FNTA: variants seen among roughly 807,000 people sequenced by gnomAD.
FNTA encodes the protein farnesyltransferase, CAAX box, subunit alpha.
In FNTA, 27 loss-of-function variants were observed where a neutral mutation model predicts 55.2. The ratio of observed to expected loss-of-function variants is 0.49; its 90% CI spans 0.36 to 0.67. The LOEUF is 0.67. FNTA is among the 30% of genes least tolerant of loss of function. The pLI is 0.00. For synonymous variants in FNTA, 176 were observed against 170.7 expected (o/e 1.03, Z -0.24); for missense variants, 422 against 464.7 (o/e 0.91, Z 0.85).
At chr8:43,084,378 A>C (rs892577853) in intron 7 of FNTA, among the ~76,000 whole-genome samples, 1 of 151,974 alleles carries the variant, frequency 6.6e-6, no homozygotes, top group Non-Finnish European at 1.5e-5. Flanking sequence ...ACCACTAGGC[A>C]TGGCTGATTT....
In FNTA at chr8:43,084,814, A is replaced by G. The variant is rs1254063203; in HGVS notation, c.950A>G (p.Asp317Gly). ...SSPYLIAFLVDIYEDMLENQC... is the reference protein window; with the variant it reads ...SSPYLIAFLVGIYEDMLENQC... ...CCCTACCTAATTGCCTTTCTTGTGG[A>G]TATCTATGAAGACATGCTAGAAAAT... Residue 317 changes from aspartate (D) to glycine (G), a missense_variant, in exon 8 of 9, where the codon GAT becomes GGT. Asp to Gly is a moderately conservative substitution (Grantham distance 94). Around this residue, in one of 2 missense-constraint regions of FNTA, gnomAD observed 262 missense variants for 343.1 expected, o/e 0.76. Coordinates refer to ENST00000302279, the MANE Select transcript of FNTA (RefSeq NM_002027.3). 5 of 1,613,766 alleles carry G rather than the reference A, an allele frequency of 3.1e-6. No individual in the cohort carries two copies. In the African/African-American group the frequency reaches 6.7e-5, roughly 22 times the overall value.
chr8:43,064,530 G>A (rs755477623), intron 3 of FNTA, among the ~76,000 whole-genome samples: 1 of 152,040 alleles, frequency 6.6e-6, no homozygotes, highest in Non-Finnish European at 1.5e-5. Context: ...GGCCAAGCTG[G>A]TCTTGAAATC....
intron 5 of FNTA, among the ~76,000 whole-genome samples, chr8:43,074,129 A>C (rs150599644): frequency 6.6e-6 from 1 of 152,320 alleles, no homozygotes; most frequent in East Asian, 1.9e-4. Context: ...TAAATGAAGG[A>C]GTAGAGGACC....
intron 6 of FNTA, chr8:43,079,598 C>T (rs1332201003): frequency 2.0e-5 from 3 of 152,206 alleles, no homozygotes; most frequent in African/African-American, 7.2e-5. Flanking sequence ...TGGAGATGTG[C>T]AAGGAGATGC....
At chr8:43,074,667 T>G (rs556893954) in intron 5 of FNTA, among the ~76,000 whole-genome samples, 1 of 152,148 alleles carries the variant, frequency 6.6e-6, no homozygotes, top group South Asian at 2.1e-4. Context: ...AAGTCTCAGG[T>G]TTCATACTGT....
intron 7 of FNTA, 59 bp from the exon 8 acceptor site, chr8:43,084,651 C>A: frequency 1.5e-6 from 2 of 1,342,924 alleles, no homozygotes. Context: ...CTTGATCTTT[C>A]TACTGCTTTT....
At chr8:43,081,978 C>T (rs1811035581) in intron 6 of FNTA, 1 of 152,126 alleles carries the variant, frequency 6.6e-6, no homozygotes, top group Non-Finnish European at 1.5e-5. Context: ...CCAGCTAAGA[C>T]CTGCGGGGAC....
chr8:43,071,446 G>A (rs1023239650), intron 4 of FNTA, among the ~76,000 whole-genome samples: 7 of 152,014 alleles, frequency 4.6e-5, no homozygotes, highest in Non-Finnish European at 8.8e-5. Context: ...TGAGGTGGGC[G>A]GATCACCTGA....
chr8:43,063,838 A>C (rs1480949792), intron 2 of FNTA, among the ~76,000 whole-genome samples: 2 of 152,214 alleles, frequency 1.3e-5, no homozygotes, highest in Non-Finnish European at 1.5e-5. Flanking sequence ...CATAAGGCCT[A>C]TGGGAGATAT....
Position 43,061,489 on chromosome 8 carries a change from A to T in FNTA, c.286+2312A>T, listed in dbSNP as rs529731360. Among the ~76,000 whole-genome samples, 3 of 152,360 alleles carry T rather than the reference A, an allele frequency of 2.0e-5. No individual in the cohort carries two copies. In the East Asian group the frequency reaches 5.8e-4, roughly 29 times the overall value. On this transcript the variant is annotated intron_variant, in intron 2 of 8. Transcript: ENST00000302279. ...TACTGTCTGGCTCATAGTAAGCACT[A>T]TATATGTTAGCTACTATAATTTGCA...
intron 5 of FNTA, among the ~76,000 whole-genome samples, chr8:43,074,048 G>A (rs963579423): frequency 5.3e-5 from 8 of 151,964 alleles, no homozygotes; most frequent in African/African-American, 1.5e-4. Flanking sequence ...AGTTTTAAAC[G>A]TTAGTTTTAA....
chr8:43,059,924 T>A (rs1810493020), intron 2 of FNTA, among the ~76,000 whole-genome samples: 1 of 152,184 alleles, frequency 6.6e-6, no homozygotes, highest in Non-Finnish European at 1.5e-5. Context: ...AGCACAGAAG[T>A]AGATTTGTAA....
At chr8:43,067,047 G>A (rs1023176264) in intron 3 of FNTA, among the ~76,000 whole-genome samples, 1 of 152,102 alleles carries the variant, frequency 6.6e-6, no homozygotes, top group African/African-American at 2.4e-5. Context: ...TTCTAAGTTT[G>A]TATATCAACA....
chr8:43,056,566 C>A lies in FNTA; in HGVS notation c.200+20C>A, dbSNP rs199975987. ...GTACAGGTAACGCCCCCGCGGCGGC[C>A]GCGGCTCGGGACACTCCCTGGAGGC... On this transcript the variant is annotated intron_variant, in intron 1 of 8. Transcript: ENST00000302279. 19 of 1,389,390 alleles carry A rather than the reference C, an allele frequency of 1.4e-5. No individual in the cohort carries two copies. In the African/African-American group the frequency reaches 2.5e-4, roughly 19 times the overall value. The allele number at this position is 1,389,390 out of a possible 1,614,324, so 86.1% of individuals were successfully genotyped here. A position where few individuals can be genotyped will look rare whatever the true frequency, so the allele number is the denominator to read the frequency against.
rs772085017 is a variant in FNTA, at chr8:43,059,040, C to T, written c.201-52C>T. Reference sequence around the variant, plus strand: ...TGTCATTTTAAAAACACTAGAGTCCCTTTTCTTCTGTATTTGAATGTAACC... The same window carrying T: ...TGTCATTTTAAAAACACTAGAGTCCTTTTTCTTCTGTATTTGAATGTAACC... On this transcript the variant is annotated intron_variant, in intron 1 of 8. Coordinates refer to ENST00000302279, the MANE Select transcript of FNTA (RefSeq NM_002027.3). 5.9e-6 allele frequency: 8 copies of T among 1,349,020 alleles called. No individual in the cohort carries two copies. The East Asian group carries it at 1.6e-4, about 27-fold the overall frequency. 83.6% of individuals were successfully genotyped at this position (1,349,020 alleles called of 1,614,324 possible).
Position 43,059,158 on chromosome 8 carries a change from G to C in FNTA, c.267G>C (p.Gln89His). ...PQNDGPNPVV[Q>H]IIYSDKFRDV... Reference sequence around the variant, plus strand: ...ATGATGGCCCCAATCCCGTGGTCCAGATCATTTATAGTGACAAATGTAAGT... The same window carrying C: ...ATGATGGCCCCAATCCCGTGGTCCACATCATTTATAGTGACAAATGTAAGT... The change falls in exon 2 of 9, where the codon CAG becomes CAC. Residue 89 changes from glutamine (Q) to histidine (H), a missense_variant. Transcript: ENST00000302279. 6.2e-7 allele frequency: 1 copy of C among 1,612,562 alleles called. No homozygotes were observed. Among genetic ancestry groups the C allele is most frequent in the Non-Finnish European group, 8.5e-7 (1 of 1,179,280 alleles).
Position 43,071,675 on chromosome 8 carries a change from C to A in FNTA, c.507-506C>A, listed in dbSNP as rs982899497. 1.7e-4 allele frequency among the ~76,000 whole-genome samples: 22 copies of A among 132,970 alleles called. No homozygotes were observed. The East Asian group carries it at 2.2e-3, about 13-fold the overall frequency. The allele number at this position is 132,970 out of a possible 152,430, so 87.2% of individuals were successfully genotyped here. On this transcript the variant is annotated intron_variant, in intron 4 of 8. Transcript: ENST00000302279. ...GGACAATGCACTCCAGCCTGGGGAA[C>A]AAGAGCGAGACTTCGTCTCAAAAAA... is the stretch of plus-strand genomic sequence containing the variant.
At chr8:43,063,419 G>A (rs1330953100) in intron 2 of FNTA, 1 of 405,736 alleles carries the variant, frequency 2.5e-6, no homozygotes, top group Non-Finnish European at 4.9e-6. Flanking sequence ...ATTTGTGAGA[G>A]AACTTTCTAG....
chr8:43,063,547 GA>G (rs1294841720), intron 2 of FNTA, among the ~76,000 whole-genome samples: 21 of 152,094 alleles, frequency 1.4e-4, no homozygotes, highest in Admixed American at 1.4e-3. Flanking sequence ...CTCAGAGTGT[GA>G]TGGGATCTCG....
Sources: allele counts gnomAD v4.1 joint callset (sites outside exome capture counted in the v4.1 genomes callset), GRCh38; gene constraint gnomAD v4.1.1; regional missense constraint gnomAD v4.1.1; transcripts MANE v1.5; gene names NCBI Gene and HGNC (gene_info 2026-07-23, HGNC 2026-07-21).